VGLL4: variants seen among roughly 807,000 people sequenced by gnomAD.
The protein encoded by VGLL4 is vestigial like family member 4.
Under a neutral mutation model 21.0 loss-of-function variants are expected in VGLL4, and 7 were observed. That is an observed-to-expected ratio of 0.33 (90% CI 0.19 to 0.63). The LOEUF (loss-of-function observed/expected upper bound fraction) is 0.63. Ranked by LOEUF, VGLL4 falls within the 20% of genes least tolerant of loss-of-function variation. VGLL4 has a pLI of 0.78. For synonymous variants in VGLL4, 222 were observed against 173.2 expected (o/e 1.28, Z -2.21); for missense variants, 394 against 425.7 (o/e 0.93, Z 0.66).
Position 11,666,618 on chromosome 3 carries a change from CAG to C in VGLL4, c.64+36351_64+36352del, listed in dbSNP as rs777184728. On this transcript the variant is annotated intron_variant, in intron 2 of 5. Transcript: ENST00000273038. ...CAGACAGTTTGAGATGTGAGAGAAA[CAG>C]AATCGAGGATGACTGTAAACTTTCT... 2.0e-5 allele frequency among the ~76,000 whole-genome samples: 3 copies of C among 152,142 alleles called. No homozygotes were observed. The South Asian group carries it at 6.2e-4, about 32-fold the overall frequency.
intron 2 of VGLL4, among the ~76,000 whole-genome samples, chr3:11,574,837 G>GTGTGTGTA (rs2073987761): frequency 7.1e-6 from 1 of 141,756 alleles, no homozygotes; most frequent in African/African-American, 2.6e-5. Flanking sequence ...GTGTGTGTGT[G>GTGTGTGTA]TATTTTAAAA....
intron 2 of VGLL4, among the ~76,000 whole-genome samples, chr3:11,584,393 T>A: frequency 6.6e-6 from 1 of 150,690 alleles, no homozygotes; most frequent in Non-Finnish European, 1.5e-5. Flanking sequence ...CCGAGAAACT[T>A]GCAAATATTA....
intron 2 of VGLL4, among the ~76,000 whole-genome samples, chr3:11,665,174 C>T (rs1281727931): frequency 5.0e-5 from 6 of 120,692 alleles, no homozygotes; most frequent in African/African-American, 6.4e-5. Context: ...AGTGCAGTGG[C>T]GCCATCTCGG....
chr3:11,689,137 GAA>G (rs1441222218), intron 2 of VGLL4, among the ~76,000 whole-genome samples: 1 of 152,070 alleles, frequency 6.6e-6, no homozygotes, highest in Non-Finnish European at 1.5e-5. Flanking sequence ...GAAAACAGAG[GAA>G]AAAAGTTTTC....
At chr3:11,619,434 TGAA>T (rs919022044) in intron 1 of VGLL4, among the ~76,000 whole-genome samples, 3 of 152,258 alleles carry the variant, frequency 2.0e-5, no homozygotes, top group African/African-American at 7.2e-5. Flanking sequence ...CAAGAACTGT[TGAA>T]GAAGTTGGCA....
intron 2 of VGLL4, among the ~76,000 whole-genome samples, chr3:11,692,838 C>A (rs1220831750): frequency 6.6e-6 from 1 of 152,050 alleles, no homozygotes; most frequent in Non-Finnish European, 1.5e-5. Context: ...TGATACCTCC[C>A]CCACCCAGTC....
intron 1 of VGLL4, among the ~76,000 whole-genome samples, chr3:11,704,198 TG>T (rs1160063171): frequency 6.6e-6 from 1 of 151,776 alleles, no homozygotes; most frequent in Non-Finnish European, 1.5e-5. Flanking sequence ...CTGAACAACA[TG>T]GAGAAAACCC....
At chr3:11,693,351 T>C (rs1349701252) in intron 2 of VGLL4, among the ~76,000 whole-genome samples, 2 of 152,176 alleles carry the variant, frequency 1.3e-5, no homozygotes, top group East Asian at 3.8e-4. Flanking sequence ...GCTACTTCAT[T>C]ACCAATAAAT....
At chr3:11,606,241 TCCCA>T (rs755621801) in intron 1 of VGLL4, among the ~76,000 whole-genome samples, 1 of 152,200 alleles carries the variant, frequency 6.6e-6, no homozygotes, top group Non-Finnish European at 1.5e-5. Context: ...TTCAGTTATC[TCCCA>T]CCAGGTCCCT....
chr3:11,558,324 T>C lies in VGLL4; in HGVS notation c.*232A>G, dbSNP rs1182573452. ...TGAGGCAGGAAGTAAGGATGCTACA[T>C]TAGACAGATGTTCCACGCGTAGTTC... On this transcript the variant is annotated 3_prime_UTR_variant, in exon 5 of 5. Coordinates refer to ENST00000430365, the MANE Select transcript of VGLL4 (RefSeq NM_001128219.3). 7.4e-6 allele frequency: 5 copies of C among 674,728 alleles called. No homozygotes were observed. The highest frequency in any genetic ancestry group is 1.2e-5 in the Non-Finnish European group (5 of 410,764). 41.8% of individuals were successfully genotyped at this position (674,728 alleles called of 1,614,324 possible). A position where few individuals can be genotyped will look rare whatever the true frequency, so the allele number is the denominator to read the frequency against.
exon 1 of VGLL4, chr3:11,720,659 GAA>G (rs1269812575): frequency 2.6e-5 from 4 of 152,314 alleles, no homozygotes; most frequent in African/African-American, 9.6e-5. Flanking sequence ...GATCGGAGTG[GAA>G]AGAGTCCCCT....
chr3:11,571,308 G>A lies in VGLL4; in HGVS notation c.273-6289C>T, dbSNP rs188962282. On this transcript the variant is annotated intron_variant, in intron 2 of 4. Coordinates refer to ENST00000430365, the MANE Select transcript of VGLL4 (RefSeq NM_001128219.3). ...GAAAAAAAGCCACCAAAAAGTCAAG[G>A]GAATGAAACCCGAGTGCGAATGCCG... 6.4e-4 allele frequency among the ~76,000 whole-genome samples: 98 copies of A among 152,246 alleles called. 1 individual carries two copies. The East Asian group carries it at 0.015, about 23-fold the overall frequency.
intron 1 of VGLL4, among the ~76,000 whole-genome samples, chr3:11,628,491 T>C (rs1414772732): frequency 6.6e-6 from 1 of 152,202 alleles, no homozygotes. Context: ...GTTTAAATGT[T>C]TTCCCAAATA....
intron 2 of VGLL4, among the ~76,000 whole-genome samples, chr3:11,676,408 A>AAT (rs1553742901): frequency 3.2e-4 from 11 of 34,442 alleles, no homozygotes; most frequent in Admixed American, 6.7e-4. Flanking sequence ...AAAAAAAAAA[A>AAT]AATAAAATAA....
chr3:11,659,477 A>G (rs1470020334), intron 2 of VGLL4, among the ~76,000 whole-genome samples: 1 of 151,792 alleles, frequency 6.6e-6, no homozygotes, highest in Non-Finnish European at 1.5e-5. Context: ...GATTAGAGGC[A>G]TGCACCACCA....
chr3:11,666,985 TCTTC>T (rs1290602478), intron 2 of VGLL4, among the ~76,000 whole-genome samples: 1 of 152,210 alleles, frequency 6.6e-6, no homozygotes, highest in Non-Finnish European at 1.5e-5. Flanking sequence ...TTGATGCAGA[TCTTC>T]TCCAAAGATC....
chr3:11,685,261 C>G (rs1185826639), intron 2 of VGLL4, among the ~76,000 whole-genome samples: 1 of 148,170 alleles, frequency 6.7e-6, no homozygotes, highest in African/African-American at 2.5e-5. Context: ...TGCAGTGGTG[C>G]GATCTCAGCT....
chr3:11,664,093 C>T (rs2076074424), intron 2 of VGLL4, among the ~76,000 whole-genome samples: 1 of 152,068 alleles, frequency 6.6e-6, no homozygotes, highest in Non-Finnish European at 1.5e-5. Context: ...CAAAAATTAG[C>T]CGGGCATGCT....
intron 3 of VGLL4, among the ~76,000 whole-genome samples, chr3:11,561,349 A>T (rs965201812): frequency 3.9e-5 from 6 of 152,140 alleles, no homozygotes; most frequent in Non-Finnish European, 7.4e-5. Flanking sequence ...CTAACAAGGG[A>T]CCAGCAGGGC....
Sources: allele counts gnomAD v4.1 joint callset (sites outside exome capture counted in the v4.1 genomes callset), GRCh38; gene constraint gnomAD v4.1.1; transcripts MANE v1.5; gene names NCBI Gene and HGNC (gene_info 2026-07-23, HGNC 2026-07-21).